GRB10: variants seen among roughly 807,000 people sequenced by gnomAD.
GRB10 encodes the protein growth factor receptor bound protein 10, also known as growth factor receptor-bound protein 10.
Under a neutral mutation model 80.9 loss-of-function variants are expected in GRB10, and 20 were observed. The ratio of observed to expected loss-of-function variants is 0.25; its 90% CI spans 0.17 to 0.36. GRB10 has a LOEUF of 0.36. Ranked by LOEUF, GRB10 falls within the 10% of genes least tolerant of loss-of-function variation. The pLI, the probability that GRB10 is intolerant of heterozygous loss-of-function variation, is 1.00. For synonymous variants in GRB10, 291 were observed against 291.5 expected (o/e 1.00, Z 0.02); for missense variants, 548 against 747.7 (o/e 0.73, Z 3.12).
intron 2 of GRB10, among the ~76,000 whole-genome samples, chr7:50,775,977 A>G (rs1013174011): frequency 6.6e-6 from 1 of 152,190 alleles, no homozygotes; most frequent in African/African-American, 2.4e-5. Context: ...CTCCTTTGAC[A>G]TAAGTTCTGT....
chr7:50,720,526 G>GCA (rs2067553314), intron 4 of GRB10, among the ~76,000 whole-genome samples: 1 of 152,086 alleles, frequency 6.6e-6, no homozygotes, highest in Non-Finnish European at 1.5e-5. Context: ...CAGAGGACAG[G>GCA]CACATCCCGG....
intron 2 of GRB10, among the ~76,000 whole-genome samples, chr7:50,777,689 G>C (rs1562697481): frequency 6.6e-6 from 1 of 151,938 alleles, no homozygotes; most frequent in African/African-American, 2.4e-5. Flanking sequence ...TGATAGACTG[G>C]ATAAAGAAAA....
intron 7 of GRB10, among the ~76,000 whole-genome samples, chr7:50,649,416 G>A (rs921740853): frequency 2.0e-5 from 3 of 152,186 alleles, no homozygotes; most frequent in African/African-American, 2.4e-5. Flanking sequence ...GTGTGGAGAC[G>A]CCACAGGGGA....
intron 1 of GRB10, chr7:50,792,656 A>T (rs1203607138): frequency 2.5e-6 from 1 of 393,382 alleles, no homozygotes; most frequent in African/African-American, 2.1e-5. Context: ...ACCAAAAAAA[A>T]GGTCCTCCGT....
At chr7:50,713,497 AC>A in intron 4 of GRB10, among the ~76,000 whole-genome samples, 1 of 145,200 alleles carries the variant, frequency 6.9e-6, no homozygotes, top group East Asian at 2.0e-4. Context: ...TACCATCTCC[AC>A]CATCTCCTCT....
intron 7 of GRB10, among the ~76,000 whole-genome samples, chr7:50,650,852 A>G (rs1418770396): frequency 7.5e-6 from 1 of 132,570 alleles, no homozygotes; most frequent in Non-Finnish European, 1.7e-5. Flanking sequence ...CTCCTGGGAG[A>G]AAAAAAATCA....
intron 7 of GRB10, among the ~76,000 whole-genome samples, chr7:50,651,177 G>T (rs1219957619): frequency 6.6e-6 from 1 of 152,136 alleles, no homozygotes. Flanking sequence ...CAGTGTATGT[G>T]TATTAGTTTG....
intron 5 of GRB10, among the ~76,000 whole-genome samples, chr7:50,683,759 A>G (rs996449460): frequency 3.9e-5 from 5 of 129,308 alleles, no homozygotes; most frequent in African/African-American, 1.3e-4. Flanking sequence ...TAAAAAACAA[A>G]AAATAAAAAA....
At chr7:50,731,265 T>C (rs1587615244) in intron 4 of GRB10, among the ~76,000 whole-genome samples, 1 of 150,938 alleles carries the variant, frequency 6.6e-6, no homozygotes, top group Non-Finnish European at 1.5e-5. Context: ...ACGGTATTCC[T>C]AATCTTCAGC....
rs181147521 is a variant in GRB10, at chr7:50,616,924, G to A, written c.847-577C>T. Among the ~76,000 whole-genome samples, 3 of 152,350 alleles carry A rather than the reference G, an allele frequency of 2.0e-5. No homozygotes were observed. In the East Asian group the frequency reaches 5.8e-4, roughly 29 times the overall value. ...AAGACAGGCCAAGGGCCAGGTCATG[G>A]AGCGAAGTTGGGGAGGTGATGCTGG... On this transcript the variant is annotated intron_variant, in intron 10 of 18. Coordinates refer to ENST00000401949, the MANE Select transcript of GRB10 (RefSeq NM_001350814.2).
chr7:50,651,643 G>A (rs182973753), intron 7 of GRB10, among the ~76,000 whole-genome samples: 5 of 152,240 alleles, frequency 3.3e-5, no homozygotes, highest in Admixed American at 2.0e-4. Context: ...GTGCAATAAG[G>A]CCCTAATTCA....
chr7:50,595,485 T>C lies in GRB10; in HGVS notation c.1590A>G (p.Val530=). ...TTTTCTGGTGATGACACAGTGTGAGTACAAATGCCTTTGGATTACTCTGGC... is the reference window on the plus strand; with the variant it reads ...TTTTCTGGTGATGACACAGTGTGAGCACAAATGCCTTTGGATTACTCTGGC... ...RDSQSNPKAF[V]LTLCHHQKIK... Residue 530 remains valine, a synonymous_variant, in exon 18 of 19, where the codon GTA becomes GTG. Coordinates refer to ENST00000401949, the MANE Select transcript of GRB10 (RefSeq NM_001350814.2). The C allele has an allele frequency of 1.2e-6, 2 of 1,611,562 alleles. No individual in the cohort carries two copies. The highest frequency in any genetic ancestry group is 2.2e-5 in the East Asian group (1 of 44,870).
At chr7:50,740,244 A>C (rs2071473629) in intron 3 of GRB10, among the ~76,000 whole-genome samples, 1 of 152,202 alleles carries the variant, frequency 6.6e-6, no homozygotes, top group Admixed American at 6.5e-5. Context: ...TTCAAGTGGC[A>C]CACCATTCTA....
chr7:50,615,023 A>AG (rs1396853289), intron 11 of GRB10, 143 bp from the exon 12 acceptor site: 2 of 692,134 alleles, frequency 2.9e-6, no homozygotes, highest in East Asian at 5.4e-5. Context: ...TTATTACGCG[A>AG]GGTGTAATAA....
intron 5 of GRB10, among the ~76,000 whole-genome samples, chr7:50,676,020 C>T (rs2060887482): frequency 6.6e-6 from 1 of 152,174 alleles, no homozygotes; most frequent in Admixed American, 6.5e-5. Context: ...ATATTGACTC[C>T]TTTCTTCTGC....
At chr7:50,715,242 G>A (rs899398508) in intron 4 of GRB10, among the ~76,000 whole-genome samples, 2 of 151,710 alleles carry the variant, frequency 1.3e-5, no homozygotes, top group Non-Finnish European at 2.9e-5. Context: ...GAGCAGGGAA[G>A]GGCATGGAGC....
intron 17 of GRB10, among the ~76,000 whole-genome samples, chr7:50,596,396 T>C (rs1197773609): frequency 6.6e-6 from 1 of 152,184 alleles, no homozygotes; most frequent in Non-Finnish European, 1.5e-5. Context: ...CCGCCAAAAA[T>C]GCATAGCCTG....
intron 3 of GRB10, among the ~76,000 whole-genome samples, chr7:50,749,709 C>T (rs1401541871): frequency 6.6e-6 from 1 of 152,162 alleles, no homozygotes; most frequent in South Asian, 2.1e-4. Flanking sequence ...ACACTCTGGA[C>T]CCCCAGTCAT....
chr7:50,654,010 T>C (rs2058337201), intron 7 of GRB10, among the ~76,000 whole-genome samples: 1 of 152,246 alleles, frequency 6.6e-6, no homozygotes, highest in Non-Finnish European at 1.5e-5. Context: ...CGGGAACCTT[T>C]CACAGTATGC....
Sources: allele counts gnomAD v4.1 joint callset (sites outside exome capture counted in the v4.1 genomes callset), GRCh38; gene constraint gnomAD v4.1.1; transcripts MANE v1.5; gene names NCBI Gene and HGNC (gene_info 2026-07-23, HGNC 2026-07-21).